CCDC73: variants seen among roughly 807,000 people sequenced by gnomAD.
The protein encoded by CCDC73 is coiled-coil domain-containing protein 73.
CCDC73 carries 95 observed loss-of-function variants against 116.5 expected under a neutral mutation model. That is an observed-to-expected ratio of 0.82 (90% CI 0.69 to 0.97). The LOEUF (loss-of-function observed/expected upper bound fraction) is 0.97, where lower values mean the gene tolerates loss of function less well. Among genes scored for constraint, CCDC73 ranks in the 50% least tolerant of loss-of-function variants. The pLI, the probability that CCDC73 is intolerant of heterozygous loss-of-function variation, is 0.00. For missense variants in CCDC73, 1,066 were observed against 1,206.8 expected (o/e 0.88, Z 1.73); for synonymous variants, 398 against 401.3 (o/e 0.99, Z 0.10).
At chr11:32,734,227 A>T (rs1850106154) in intron 2 of CCDC73, among the ~76,000 whole-genome samples, 1 of 152,196 alleles carries the variant, frequency 6.6e-6, no homozygotes, top group Non-Finnish European at 1.5e-5. Flanking sequence ...ACGAGGAAGA[A>T]ATTGATCTCT....
chr11:32,794,592 C>A (rs572856474), intron 1 of CCDC73, 21 bp downstream of exon 1: 5 of 152,412 alleles, frequency 3.3e-5, no homozygotes, highest in Non-Finnish European at 5.9e-5. Flanking sequence ...CAACTACACG[C>A]TTGTGACTGC....
intron 16 of CCDC73, 146 bp from the exon 17 acceptor site, chr11:32,611,411 AC>A: frequency 1.5e-6 from 1 of 683,858 alleles, no homozygotes; most frequent in Non-Finnish European, 2.4e-6. Context: ...GTTGTCCTAG[AC>A]TTTGCTCTTA....
At chr11:32,825,935 G>A in the CCDC73 span, among the ~76,000 whole-genome samples, 52 of 152,234 alleles carry the variant, frequency 3.4e-4, no homozygotes, top group South Asian at 5.0e-3. Flanking sequence ...GCTCCGGTGC[G>A]CTCTAAGAGC....
intron 1 of CCDC73, among the ~76,000 whole-genome samples, chr11:32,775,021 A>T (rs1229311364): frequency 6.6e-6 from 1 of 152,230 alleles, no homozygotes; most frequent in African/African-American, 2.4e-5. Flanking sequence ...CTGACAAAAA[A>T]TATGAGGAAA....
At chr11:32,758,535 T>A (rs1850363483) in intron 2 of CCDC73, 1 of 456,120 alleles carries the variant, frequency 2.2e-6, no homozygotes, top group South Asian at 1.7e-5. Flanking sequence ...CATGACAGGA[T>A]CAAACATGCT....
intron 6 of CCDC73, among the ~76,000 whole-genome samples, chr11:32,694,004 C>A (rs192283940): frequency 6.6e-6 from 1 of 152,222 alleles, no homozygotes; most frequent in Admixed American, 6.5e-5. Flanking sequence ...AAAACTGGCA[C>A]AAGACAGGGA....
chr11:32,673,726 G>A (rs1289161637), intron 9 of CCDC73, among the ~76,000 whole-genome samples: 3 of 152,108 alleles, frequency 2.0e-5, no homozygotes, highest in African/African-American at 4.8e-5. Flanking sequence ...GAATCCCAAC[G>A]GAAACAGATG....
At chr11:32,645,960 G>A (rs1855775520) in intron 12 of CCDC73, among the ~76,000 whole-genome samples, 2 of 152,148 alleles carry the variant, frequency 1.3e-5, no homozygotes, top group Admixed American at 1.3e-4. Context: ...TATAATAGAT[G>A]CTTAGTACTT....
At chr11:32,681,494 AACCTATCACC>A (rs1328877609) in intron 7 of CCDC73, 1 of 152,002 alleles carries the variant, frequency 6.6e-6, no homozygotes, top group Non-Finnish European at 1.5e-5. Flanking sequence ...TTTATCTCAG[AACCTATCACC>A]ACCTCTAAAA....
chr11:32,757,338 TAAAC>T (rs1850353166), intron 2 of CCDC73, among the ~76,000 whole-genome samples: 1 of 151,806 alleles, frequency 6.6e-6, no homozygotes, highest in Non-Finnish European at 1.5e-5. Flanking sequence ...AAAGAAAAAA[TAAAC>T]AAATATTATT....
At chr11:32,615,392 C>G (rs1855465074) in intron 15 of CCDC73, among the ~76,000 whole-genome samples, 2 of 152,102 alleles carry the variant, frequency 1.3e-5, no homozygotes. Context: ...CTGGCTTCTT[C>G]AGGACTGACA....
At position 32,699,288 on chromosome 11, in the gene CCDC73, T is replaced by C. The variant is rs779650148; in HGVS notation, c.353A>G (p.Glu118Gly). ...YQLATEIKEKEIEGLKETLKA... is the reference protein window; with the variant it reads ...YQLATEIKEKGIEGLKETLKA... ...TAATGTTTCCTTCAATCCTTCTATTTCTTTTTCCTTTATTTCTGTAGCAAG... is the reference window on the plus strand; with the variant it reads ...TAATGTTTCCTTCAATCCTTCTATTCCTTTTTCCTTTATTTCTGTAGCAAG... The change falls in exon 6 of 18, where the codon GAA (glutamate) becomes GGA (glycine). Residue 118 changes from glutamate to glycine, a missense_variant. By Grantham distance (98) the Glu-to-Gly change is moderately conservative. Transcript: ENST00000335185. 4 of 1,581,716 alleles carry C rather than the reference T, an allele frequency of 2.5e-6. No homozygotes were observed. Among genetic ancestry groups the C allele is most frequent in the Non-Finnish European group, 3.4e-6 (4 of 1,160,196 alleles).
chr11:32,756,985 T>A (rs925456186), intron 2 of CCDC73, among the ~76,000 whole-genome samples: 11 of 152,130 alleles, frequency 7.2e-5, no homozygotes, highest in Admixed American at 2.6e-4. Flanking sequence ...TACAAGAATA[T>A]GCACAGCAAT....
chr11:32,697,872 G>A (rs1051890953), intron 6 of CCDC73, among the ~76,000 whole-genome samples: 13 of 151,902 alleles, frequency 8.6e-5, no homozygotes, highest in South Asian at 2.1e-4. Context: ...TGCGTGTCAC[G>A]GGGGTTGGTT....
chr11:32,733,601 C>G (rs1054924068), intron 2 of CCDC73, among the ~76,000 whole-genome samples: 9 of 152,174 alleles, frequency 5.9e-5, no homozygotes, highest in Non-Finnish European at 1.0e-4. Flanking sequence ...AACTAGAACT[C>G]AGGATTAAGA....
intron 6 of CCDC73, among the ~76,000 whole-genome samples, chr11:32,697,196 G>GT (rs34415635): frequency 0.75 from 114,475 of 151,814 alleles, 43,298 homozygotes; most frequent in East Asian, 0.93. Flanking sequence ...CATACTTTTT[G>GT]TTTTTTCTGA....
intron 12 of CCDC73, among the ~76,000 whole-genome samples, chr11:32,646,546 T>C (rs1388570243): frequency 6.6e-6 from 1 of 152,240 alleles, no homozygotes; most frequent in East Asian, 1.9e-4. Flanking sequence ...GGTTCTATTG[T>C]CTTCTACGTT....
chr11:32,710,092 C>T (rs1316653011), intron 3 of CCDC73, among the ~76,000 whole-genome samples: 1 of 152,174 alleles, frequency 6.6e-6, no homozygotes, highest in East Asian at 1.9e-4. Flanking sequence ...GATCGTCTCT[C>T]TTTTCTTGGT....
At chr11:32,659,849 A>G (rs1053703873) in intron 9 of CCDC73, among the ~76,000 whole-genome samples, 2 of 152,152 alleles carry the variant, frequency 1.3e-5, no homozygotes, top group African/African-American at 4.8e-5. Flanking sequence ...TCTTCCTTAG[A>G]CTATTAACAA....
Sources: gnomAD v4.1 joint callset for allele counts (sites outside exome capture counted in the v4.1 genomes callset) on GRCh38, gnomAD v4.1.1 for gene constraint, MANE v1.5 for transcripts, NCBI Gene and HGNC (gene_info 2026-07-23, HGNC 2026-07-21) for gene names.